GBF1: variants seen among roughly 807,000 people sequenced by gnomAD.
The protein encoded by GBF1 is golgi brefeldin A resistant guanine nucleotide exchange factor 1, also known as Golgi-specific brefeldin A-resistance guanine nucleotide exchange factor 1.
A neutral mutation model predicts 210.5 loss-of-function variants in GBF1; 114 were observed. That is an observed-to-expected ratio of 0.54 (90% CI 0.47 to 0.63). The LOEUF (loss-of-function observed/expected upper bound fraction) is 0.63, where lower values mean the gene tolerates loss of function less well. GBF1 is among the 30% of genes least tolerant of loss of function. GBF1 has a pLI of 0.00. For missense variants in GBF1, 1,851 were observed against 2,357.7 expected (o/e 0.79, Z 4.45); for synonymous variants, 850 against 889.2 (o/e 0.96, Z 0.78).
At chr10:102,230,950 G>C in the GBF1 span, 1 of 1,608,582 alleles carries the variant, frequency 6.2e-7, no homozygotes, top group South Asian at 1.1e-5. Flanking sequence ...AAGAGCCTTG[G>C]GCGGCCAGTT....
Position 102,363,820 on chromosome 10 carries a change from C to T in GBF1, c.2106+22C>T. ...GAAGGTACATACATGTATTCCCCAG[C>T]CTCTGTCCACCTCTGTCTGGGTGTC... On this transcript the variant is annotated intron_variant, in intron 17 of 39. Transcript: ENST00000369983. This position sits in a 1 kb window ranked among gnomAD's most constrained non-coding sequence, Gnocchi z 4.2. 1.6e-6 allele frequency: 2 copies of T among 1,287,684 alleles called. No individual in the cohort carries two copies. Among genetic ancestry groups the T allele is most frequent in the Non-Finnish European group, 2.3e-6 (2 of 882,958 alleles). The allele number at this position is 1,287,684 out of a possible 1,614,324, so 79.8% of individuals were successfully genotyped here.
At chr10:102,268,725 T>C (rs1044888935) in intron 3 of GBF1, among the ~76,000 whole-genome samples, 21 of 152,182 alleles carry the variant, frequency 1.4e-4, no homozygotes. Context: ...GGAGAGATAG[T>C]GAAGAGTTTG....
chr10:102,361,554 AAAG>A (rs1157733563), intron 13 of GBF1, among the ~76,000 whole-genome samples, 161 bp from the exon 14 acceptor site: 1 of 152,226 alleles, frequency 6.6e-6, no homozygotes, highest in Non-Finnish European at 1.5e-5. Flanking sequence ...CATGGAGGCC[AAAG>A]AAGAGATATA....
At chr10:102,350,980 G>A (rs1413797244) in intron 4 of GBF1, among the ~76,000 whole-genome samples, 3 of 151,786 alleles carry the variant, frequency 2.0e-5, no homozygotes, top group Non-Finnish European at 4.4e-5. Flanking sequence ...CCAGCTACTC[G>A]GGAGGCTAAG....
In GBF1 at chr10:102,287,344, C is replaced by CT. The variant is rs763880492; in HGVS notation, c.163+27255dup. ...CACACAGTTTCTTTTATTTTATTTT[C>CT]TTTTTTTTTTTTTTTTTTTTTTTTT... On this transcript the variant is annotated intron_variant, in intron 3 of 39. Coordinates refer to ENST00000369983, the MANE Select transcript of GBF1 (RefSeq NM_001377137.1). Among the ~76,000 whole-genome samples, 431 of 69,522 alleles carry CT rather than the reference C, an allele frequency of 6.2e-3. 21 individuals are homozygous for CT. Among genetic ancestry groups the CT allele is most frequent in the African/African-American group, 7.8e-3 (115 of 14,780 alleles). 45.6% of individuals were successfully genotyped at this position (69,522 alleles called of 152,430 possible).
Position 102,365,468 on chromosome 10 carries a change from C to A in GBF1, c.2178C>A (p.Gly726=). ...GGATTCAGTTTCTGCAAGAGAAAGG[C>A]CTCCTCACCATCCCAATGGACAACA... is the stretch of plus-strand genomic sequence containing the variant. ...KKGIQFLQEK[G]LLTIPMDNTE... The change falls in exon 18 of 40, where the codon GGC becomes GGA. Residue 726 remains glycine (G), a synonymous_variant. Transcript: ENST00000369983. 1 of 1,613,850 alleles carries A rather than the reference C, an allele frequency of 6.2e-7. No individual in the cohort carries two copies. Among genetic ancestry groups the A allele is most frequent in the Non-Finnish European group, 8.5e-7 (1 of 1,179,688 alleles).
At chr10:102,277,519 C>T (rs191241673) in intron 3 of GBF1, among the ~76,000 whole-genome samples, 3 of 151,826 alleles carry the variant, frequency 2.0e-5, no homozygotes, top group Admixed American at 6.6e-5. Flanking sequence ...GCTAGGATTA[C>T]AGGCGCCCGC....
At chr10:102,360,759 C>T (rs1053162019) in intron 12 of GBF1, among the ~76,000 whole-genome samples, 5 of 152,166 alleles carry the variant, frequency 3.3e-5, no homozygotes, top group African/African-American at 9.7e-5. Context: ...GGGCGGATCA[C>T]GAGGTCAGGA....
chr10:102,244,718 G>A (rs1474737691), upstream of GBF1, among the ~76,000 whole-genome samples: 1 of 152,196 alleles, frequency 6.6e-6, no homozygotes, highest in African/African-American at 2.4e-5. Flanking sequence ...GGCATAAGAG[G>A]TGACAAAAGG....
chr10:102,300,981 T>C (rs1395813700), intron 3 of GBF1, among the ~76,000 whole-genome samples: 2 of 150,648 alleles, frequency 1.3e-5, no homozygotes, highest in Non-Finnish European at 3.0e-5. Flanking sequence ...CTTTTCTTTT[T>C]TTTTTTTTTT....
At chr10:102,303,360 A>T (rs2077562648) in intron 3 of GBF1, among the ~76,000 whole-genome samples, 1 of 152,188 alleles carries the variant, frequency 6.6e-6, no homozygotes, top group African/African-American at 2.4e-5. Context: ...TTGTCCCAGC[A>T]ACATTTGTTG....
At chr10:102,310,097 T>C (rs1421341155) in intron 3 of GBF1, among the ~76,000 whole-genome samples, 1 of 152,160 alleles carries the variant, frequency 6.6e-6, no homozygotes, top group Non-Finnish European at 1.5e-5. Context: ...TTAGGTGGAT[T>C]TGTTGTTGGT....
intron 1 of GBF1, among the ~76,000 whole-genome samples, chr10:102,246,589 G>T (rs2070861596): frequency 6.6e-6 from 1 of 152,176 alleles, no homozygotes; most frequent in Admixed American, 6.5e-5. Context: ...GCAAAGTTTG[G>T]TATTGTCGGC....
intron 3 of GBF1, among the ~76,000 whole-genome samples, chr10:102,335,528 C>T (rs1053336696): frequency 3.9e-5 from 6 of 152,158 alleles, no homozygotes; most frequent in African/African-American, 7.2e-5. Flanking sequence ...CAGGCTGAAC[C>T]GTGAGATAGG....
chr10:102,352,646 G>A, intron 7 of GBF1, 128 bp downstream of exon 7: 2 of 699,926 alleles, frequency 2.9e-6, no homozygotes, highest in Admixed American at 2.1e-5. Context: ...TTATGGATGG[G>A]GGGTAGTTCT....
intron 3 of GBF1, among the ~76,000 whole-genome samples, chr10:102,283,374 C>A (rs1355670416): frequency 6.6e-6 from 1 of 152,174 alleles, no homozygotes; most frequent in African/African-American, 2.4e-5. Context: ...CTGGCTTTAT[C>A]TCCAAAAGGA....
At chr10:102,278,578 T>C (rs2075207955) in intron 3 of GBF1, among the ~76,000 whole-genome samples, 2 of 152,248 alleles carry the variant, frequency 1.3e-5, no homozygotes, top group African/African-American at 4.8e-5. Context: ...TGTGTAATGA[T>C]TGTATTTAGG....
At chr10:102,319,991 C>T (rs947004576) in intron 3 of GBF1, among the ~76,000 whole-genome samples, 2 of 152,116 alleles carry the variant, frequency 1.3e-5, no homozygotes, top group African/African-American at 4.8e-5. Context: ...TTCCAAAGTG[C>T]TGGGATTACA....
intron 3 of GBF1, among the ~76,000 whole-genome samples, chr10:102,326,191 T>A (rs530169662): frequency 2.0e-5 from 3 of 152,344 alleles, no homozygotes; most frequent in Admixed American, 2.0e-4. Context: ...AGTATGCAAG[T>A]TTACGCCAAG....
Sources: gnomAD v4.1 joint callset for allele counts (sites outside exome capture counted in the v4.1 genomes callset) on GRCh38, gnomAD v4.1.1 for gene constraint, Gnocchi (gnomAD v3.1) non-coding constraint, MANE v1.5 for transcripts, NCBI Gene and HGNC (gene_info 2026-07-23, HGNC 2026-07-21) for gene names.